The following XIRP2 variants were observed in gnomAD, a reference collection of about 807,000 sequenced individuals.
XIRP2 encodes the protein xin actin binding repeat containing 2, also known as xin actin-binding repeat-containing protein 2.
A neutral mutation model predicts 277.0 loss-of-function variants in XIRP2; 236 were observed. The ratio of observed to expected loss-of-function variants is 0.85; its 90% CI spans 0.77 to 0.95. The LOEUF (loss-of-function observed/expected upper bound fraction) is 0.95. Among genes scored for constraint, XIRP2 ranks in the 40% least tolerant of loss-of-function variants. XIRP2 has a pLI of 0.00. For missense variants in XIRP2, 4,640 were observed against 4,157.5 expected, an observed-to-expected ratio of 1.12 and a Z score of -3.19; for synonymous variants, 1,490 against 1,416.5, an observed-to-expected ratio of 1.05 and a Z score of -1.17.
chr2:166,982,396 A>G (rs1013407003), intron 2 of XIRP2, among the ~76,000 whole-genome samples: 2 of 149,862 alleles, frequency 1.3e-5, no homozygotes, highest in East Asian at 3.9e-4. Context: ...TTTTCTTCCA[A>G]TTTTTAAATT....
At chr2:166,997,953 C>A (rs777805383) in intron 2 of XIRP2, among the ~76,000 whole-genome samples, 3 of 151,434 alleles carry the variant, frequency 2.0e-5, no homozygotes, top group Non-Finnish European at 4.4e-5. Context: ...GCTTACTGAG[C>A]GCCATTTTGG....
chr2:167,250,685 C>A lies in XIRP2; in HGVS notation c.9293C>A (p.Thr3098Asn). ...HEATVRSHVK[T>N]HQEIKLDDSN... The stretch of plus-strand genomic sequence containing the variant: ...GCAACTGTTCGTAGTCACGTGAAAA[C>A]CCATCAGGAAATTAAACTTGATGAT... Residue 3098 changes from threonine (T) to asparagine (N), a missense_variant, in exon 9 of 11, where the codon ACC becomes AAC. By Grantham distance (65) the Thr-to-Asn change is moderately conservative (BLOSUM62 0). Transcript: ENST00000409195. The A allele has an allele frequency of 6.2e-7, 1 of 1,613,588 alleles. No individual in the cohort carries two copies. The highest frequency in any genetic ancestry group is 2.2e-5 in the East Asian group (1 of 44,802).
intron 3 of XIRP2, among the ~76,000 whole-genome samples, chr2:167,151,925 A>T (rs112529302): frequency 1.3e-5 from 2 of 152,220 alleles, no homozygotes; most frequent in African/African-American, 4.8e-5. Flanking sequence ...GCCTGGCAAG[A>T]TGTTTTCTGA....
intron 3 of XIRP2, among the ~76,000 whole-genome samples, chr2:167,150,710 A>G (rs1287028651): frequency 6.6e-6 from 1 of 151,916 alleles, no homozygotes; most frequent in Non-Finnish European, 1.5e-5. Context: ...ATAGGGGAAA[A>G]CCCCTAAGAA....
At chr2:167,007,190 T>A (rs994011973) in intron 2 of XIRP2, among the ~76,000 whole-genome samples, 1 of 151,626 alleles carries the variant, frequency 6.6e-6, no homozygotes, top group Admixed American at 6.6e-5. Flanking sequence ...ATTAAACATA[T>A]CTGAAAACCA....
intron 2 of XIRP2, among the ~76,000 whole-genome samples, chr2:167,083,386 C>G (rs1460709581): frequency 6.6e-6 from 1 of 152,212 alleles, no homozygotes; most frequent in African/African-American, 2.4e-5. Flanking sequence ...GTGATGCCTC[C>G]AGCTTTGTTC....
chr2:167,146,166 G>A (rs1691859236), intron 3 of XIRP2, among the ~76,000 whole-genome samples: 1 of 151,724 alleles, frequency 6.6e-6, no homozygotes, highest in Non-Finnish European at 1.5e-5. Flanking sequence ...GTATATTGCT[G>A]AAGAGAGAAT....
intron 2 of XIRP2, among the ~76,000 whole-genome samples, chr2:167,082,088 C>T: frequency 8.0e-6 from 1 of 125,024 alleles, no homozygotes; most frequent in East Asian, 2.9e-4. Context: ...CAATGCTATC[C>T]CTCCCCCCTC....
chr2:166,922,766 A>G (rs947719284), intron 2 of XIRP2, among the ~76,000 whole-genome samples: 1 of 151,786 alleles, frequency 6.6e-6, no homozygotes, highest in Non-Finnish European at 1.5e-5. Context: ...AAAAGAAAAA[A>G]AAAAGTAAGC....
chr2:167,029,853 T>C (rs1431733569), intron 2 of XIRP2, among the ~76,000 whole-genome samples: 1 of 152,144 alleles, frequency 6.6e-6, no homozygotes, highest in Non-Finnish European at 1.5e-5. Flanking sequence ...TTTTGGTTGG[T>C]AGGCTATTAA....
At chr2:167,014,929 A>T (rs776390699) in intron 2 of XIRP2, among the ~76,000 whole-genome samples, 5 of 151,834 alleles carry the variant, frequency 3.3e-5, no homozygotes, top group Non-Finnish European at 5.9e-5. Flanking sequence ...ACGGTAATAC[A>T]TTACATTTTA....
At chr2:167,048,006 T>A (rs1211404625) in intron 2 of XIRP2, among the ~76,000 whole-genome samples, 1 of 151,970 alleles carries the variant, frequency 6.6e-6, no homozygotes, top group Non-Finnish European at 1.5e-5. Context: ...TACTACTTAA[T>A]ATTACAGCTA....
In XIRP2 at chr2:166,995,960, A is replaced by C. The variant is rs73970209; in HGVS notation, c.408+92070A>C. ...TTTACTTTTCAAGATTCAGCACCTA[A>C]ATTAACTCTACTTGACAGCTCCTCT... is the stretch of plus-strand genomic sequence containing the variant. On this transcript the variant is annotated intron_variant, in intron 2 of 10. Coordinates refer to ENST00000409195, the MANE Select transcript of XIRP2 (RefSeq NM_152381.6). Among the ~76,000 whole-genome samples the C allele has an allele frequency of 3.1e-3, 479 of 152,156 alleles. 4 individuals are homozygous for C. The highest frequency in any genetic ancestry group is 0.011 in the African/African-American group (454 of 41,530).
intron 3 of XIRP2, among the ~76,000 whole-genome samples, chr2:167,195,933 T>C (rs1479653058): frequency 6.6e-6 from 1 of 152,160 alleles, no homozygotes; most frequent in Admixed American, 6.5e-5. Flanking sequence ...AGAGCTTCCA[T>C]TGACCCCCGT....
At chr2:166,942,743 C>T (rs1204707239) in intron 2 of XIRP2, among the ~76,000 whole-genome samples, 1 of 151,860 alleles carries the variant, frequency 6.6e-6, no homozygotes, top group Non-Finnish European at 1.5e-5. Context: ...TTTTCACATA[C>T]TTGTATTAGA....
At chr2:167,230,415 G>C (rs191016026) in intron 5 of XIRP2, among the ~76,000 whole-genome samples, 2 of 151,998 alleles carry the variant, frequency 1.3e-5, no homozygotes, top group African/African-American at 4.8e-5. Context: ...TTTCTTCCCT[G>C]AATTCCTTTT....
At chr2:167,230,875 A>C (rs1559031486) in intron 5 of XIRP2, among the ~76,000 whole-genome samples, 1 of 152,034 alleles carries the variant, frequency 6.6e-6, no homozygotes, top group Non-Finnish European at 1.5e-5. Context: ...AGATACTGAG[A>C]CTGAAATTAG....
intron 2 of XIRP2, among the ~76,000 whole-genome samples, chr2:167,024,420 C>T (rs1371966947): frequency 6.6e-6 from 1 of 151,996 alleles, no homozygotes; most frequent in Non-Finnish European, 1.5e-5. Flanking sequence ...TTGACTTCCT[C>T]TTTTCCTAAT....
At chr2:167,173,211 T>C (rs1337008634) in intron 3 of XIRP2, among the ~76,000 whole-genome samples, 2 of 152,218 alleles carry the variant, frequency 1.3e-5, no homozygotes, top group Admixed American at 1.3e-4. Flanking sequence ...TGTCAAATAG[T>C]TCCTATTAAT....
Sources: allele counts gnomAD v4.1 joint callset (sites outside exome capture counted in the v4.1 genomes callset), GRCh38; gene constraint gnomAD v4.1.1; transcripts MANE v1.5; gene names NCBI Gene and HGNC (gene_info 2026-07-23, HGNC 2026-07-21).